Variants in DMRT1 observed in about 807,000 individuals in gnomAD.
DMRT1 encodes the protein doublesex- and mab-3-related transcription factor 1.
In DMRT1, 7 loss-of-function variants were observed where a neutral mutation model predicts 32.3. That is an observed-to-expected ratio of 0.22 (90% confidence interval 0.12 to 0.41). The LOEUF (loss-of-function observed/expected upper bound fraction) is 0.41, where lower values mean the gene tolerates loss of function less well. Ranked by LOEUF, DMRT1 falls within the 10% of genes least tolerant of loss-of-function variation. The pLI, the probability that DMRT1 is intolerant of heterozygous loss-of-function variation, is 1.00. For missense variants in DMRT1, 625 were observed against 500.5 expected (o/e 1.25, Z -2.37); for synonymous variants, 278 against 206.1 (o/e 1.35, Z -2.99).
intron 4 of DMRT1, among the ~76,000 whole-genome samples, chr9:955,997 G>A (rs965219003): frequency 7.9e-5 from 12 of 152,318 alleles, no homozygotes; most frequent in South Asian, 6.2e-4. Context: ...TCATATCAGC[G>A]TTATTCAAAG....
intron 3 of DMRT1, among the ~76,000 whole-genome samples, chr9:914,087 A>C (rs4237170): frequency 6.6e-6 from 1 of 151,644 alleles, no homozygotes; most frequent in Non-Finnish European, 1.5e-5. Flanking sequence ...GGGAATCATC[A>C]AAAGATGCTG....
chr9:951,779 A>T (rs1005421310), intron 4 of DMRT1, among the ~76,000 whole-genome samples: 7 of 152,194 alleles, frequency 4.6e-5, no homozygotes, highest in Non-Finnish European at 8.8e-5. Context: ...TAAGAACAGA[A>T]AAGAAGCACA....
chr9:916,421 C>T (rs1454084302), intron 3 of DMRT1, among the ~76,000 whole-genome samples: 1 of 151,756 alleles, frequency 6.6e-6, no homozygotes, highest in East Asian at 1.9e-4. Flanking sequence ...GGCTGGAGTG[C>T]AGTAGTGCAA....
intron 4 of DMRT1, among the ~76,000 whole-genome samples, chr9:928,311 A>G (rs1176243831): frequency 6.6e-6 from 1 of 152,202 alleles, no homozygotes; most frequent in Non-Finnish European, 1.5e-5. Context: ...TGTTAAGTAT[A>G]GCAGGATTGT....
intron 4 of DMRT1, among the ~76,000 whole-genome samples, chr9:924,352 G>A (rs1349804492): frequency 1.3e-5 from 2 of 152,202 alleles, no homozygotes; most frequent in East Asian, 1.9e-4. Flanking sequence ...GATTACAGAT[G>A]TGAGCCACTG....
At chr9:959,835 A>G (rs2129991827) in intron 4 of DMRT1, among the ~76,000 whole-genome samples, 1 of 152,148 alleles carries the variant, frequency 6.6e-6, no homozygotes, top group African/African-American at 2.4e-5. Flanking sequence ...GCCACCTTAA[A>G]CTGGTTTTAG....
chr9:900,375 C>T (rs562180276), intron 3 of DMRT1, among the ~76,000 whole-genome samples: 103 of 152,260 alleles, frequency 6.8e-4, no homozygotes, highest in Admixed American at 3.3e-4. Context: ...CCACTGCCCC[C>T]CCTTTTTTTG....
At chr9:853,276 A>G (rs1003953854) in intron 2 of DMRT1, among the ~76,000 whole-genome samples, 2 of 152,098 alleles carry the variant, frequency 1.3e-5, no homozygotes, top group Admixed American at 6.6e-5. Context: ...CGTAGTTTGC[A>G]TAGGGGTTTG....
chr9:965,066 CT>C lies in DMRT1; in HGVS notation c.968-2917del, dbSNP rs1341058029. Among the ~76,000 whole-genome samples, 8 of 152,170 alleles carry C rather than the reference CT, an allele frequency of 5.3e-5. No individual in the cohort carries two copies. Among genetic ancestry groups the C allele is most frequent in the Non-Finnish European group, 1.0e-4 (7 of 68,024 alleles). ...ACAACGGTCAACTATTAGCCTTCTC[CT>C]TCCAAAAGTTTAAGGAAGCTGCATT... On this transcript the variant is annotated intron_variant, in intron 4 of 4. Transcript: ENST00000382276. This position sits in a 1 kb window ranked among gnomAD's most constrained non-coding sequence, Gnocchi z 4.5.
At chr9:885,417 C>T (rs1406788158) in intron 2 of DMRT1, among the ~76,000 whole-genome samples, 2 of 152,142 alleles carry the variant, frequency 1.3e-5, no homozygotes, top group African/African-American at 4.8e-5. Flanking sequence ...ATAGGGGAGT[C>T]AGAAAGGAGA....
chr9:941,743 A>G (rs1359326939), intron 4 of DMRT1, among the ~76,000 whole-genome samples: 1 of 152,244 alleles, frequency 6.6e-6, no homozygotes, highest in African/African-American at 2.4e-5. Flanking sequence ...AAAAGAAAAA[A>G]GTATGGACAT....
intron 2 of DMRT1, among the ~76,000 whole-genome samples, chr9:849,940 C>T (rs960192254): frequency 7.2e-5 from 11 of 152,184 alleles, no homozygotes; most frequent in African/African-American, 2.7e-4. Flanking sequence ...ACTCCTGCCT[C>T]AGCCTTTCAA....
At position 894,179 on chromosome 9, in the gene DMRT1, C is replaced by T; in HGVS notation, c.806C>T (p.Thr269Ile). The change falls in exon 3 of 5, where the codon ACA (threonine) becomes ATA (isoleucine). Residue 269 changes from threonine (T) to isoleucine (I), a missense_variant. This residue lies in a region of DMRT1 where 416 missense variants were observed against 321.6 expected (regional missense o/e 1.29). Transcript: ENST00000382276. ...GLPGPYVPGQ[T>I]GNQWQMKNME... ...CCCGGACCTTATGTGCCTGGTCAGA[C>T]AGGAAACCAGTGGCAGGTATGATAT... 6.2e-7 allele frequency: 1 copy of T among 1,613,638 alleles called. No individual in the cohort carries two copies. Among genetic ancestry groups the T allele is most frequent in the Non-Finnish European group, 8.5e-7 (1 of 1,180,040 alleles).
intron 4 of DMRT1, among the ~76,000 whole-genome samples, chr9:947,492 C>T: frequency 6.6e-6 from 1 of 152,174 alleles, no homozygotes; most frequent in East Asian, 1.9e-4. Context: ...TTTTGTACTC[C>T]ATTTATTCTG....
At chr9:962,777 G>A (rs750536576) in intron 4 of DMRT1, among the ~76,000 whole-genome samples, 3 of 152,056 alleles carry the variant, frequency 2.0e-5, no homozygotes, top group Non-Finnish European at 2.9e-5. Flanking sequence ...TTTGCTTCTC[G>A]GTTGAACTCT....
rs1838699167 is a variant in DMRT1, at chr9:841,936, A to G, written c.98A>G (p.Lys33Arg). The G allele has an allele frequency of 6.2e-7, 1 of 1,604,048 alleles. No individual in the cohort carries two copies. Among genetic ancestry groups the G allele is most frequent in the East Asian group, 2.2e-5 (1 of 44,610 alleles). The change falls in exon 1 of 5, where the codon AAA (lysine) becomes AGA (arginine). Residue 33 changes from lysine to arginine, a missense_variant. By Grantham distance (26) the Lys-to-Arg change is conservative (BLOSUM62 2). Around this residue, in one of 3 missense-constraint regions of DMRT1, gnomAD observed 201 missense variants for 152.0 expected, o/e 1.32. Transcript: ENST00000382276. ...PPQGRAGGFG[K>R]ASGALVGAAS... ...CAGGGCAGAGCCGGGGGCTTTGGCA[A>G]AGCGTCTGGGGCGCTAGTGGGGGCG...
At chr9:960,015 G>A (rs1819721254) in intron 4 of DMRT1, among the ~76,000 whole-genome samples, 2 of 152,224 alleles carry the variant, frequency 1.3e-5, no homozygotes, top group South Asian at 4.1e-4. Flanking sequence ...GACATTCGCA[G>A]CTCAATTTCC....
chr9:847,660 G>C (rs527406297), intron 2 of DMRT1, among the ~76,000 whole-genome samples: 1 of 123,776 alleles, frequency 8.1e-6, no homozygotes, highest in East Asian at 2.1e-4. Flanking sequence ...TGTGAAACCT[G>C]AGACATAGAC....
chr9:894,152 T>G lies in DMRT1; in HGVS notation c.779T>G (p.Leu260Arg). The change falls in exon 3 of 5, where the codon CTC becomes CGC. Residue 260 changes from leucine to arginine, a missense_variant. Leu to Arg is a moderately radical substitution (Grantham distance 102). This residue lies in a region of DMRT1 where 416 missense variants were observed against 321.6 expected (regional missense o/e 1.29). Transcript: ENST00000382276. ...CCTGTGAAGAACAGCCTTCGGGGCC[T>G]CCCCGGACCTTATGTGCCTGGTCAG... ...GSPVKNSLRGLPGPYVPGQTG... is the reference protein window; with the variant it reads ...GSPVKNSLRGRPGPYVPGQTG... 6.2e-7 allele frequency: 1 copy of G among 1,614,058 alleles called. No homozygotes were observed.
Sources: gnomAD v4.1 joint callset for allele counts (sites outside exome capture counted in the v4.1 genomes callset) on GRCh38, gnomAD v4.1.1 for gene constraint, gnomAD v4.1.1 regional missense constraint, Gnocchi (gnomAD v3.1) non-coding constraint, MANE v1.5 for transcripts, NCBI Gene and HGNC (gene_info 2026-07-23, HGNC 2026-07-21) for gene names.